CNTNAP2: variants seen among roughly 807,000 people sequenced by gnomAD.
The protein encoded by CNTNAP2 is contactin associated protein 2, also known as contactin-associated protein-like 2.
A neutral mutation model predicts 155.2 loss-of-function variants in CNTNAP2; 98 were observed. The ratio of observed to expected loss-of-function variants is 0.63; its 90% confidence interval spans 0.54 to 0.75. The LOEUF (loss-of-function observed/expected upper bound fraction) is 0.75, where lower values mean the gene tolerates loss of function less well. Ranked by LOEUF, CNTNAP2 falls within the 30% of genes least tolerant of loss-of-function variation. The probability of loss-of-function intolerance (pLI) is 0.00; values close to 1 mark genes in which losing one functional copy is unlikely to be tolerated. For missense variants in CNTNAP2, 1,727 were observed against 1,688.1 expected (o/e 1.02, Z -0.40); for synonymous variants, 651 against 631.2 (o/e 1.03, Z -0.47).
In CNTNAP2 at chr7:148,391,681, CTG is replaced by C. The variant is rs576786139; in HGVS notation, c.3715+7795_3715+7796del. On this transcript the variant is annotated intron_variant, in intron 22 of 23. Transcript: ENST00000361727. The stretch of plus-strand genomic sequence containing the variant: ...GATTTACCTCTCAGAATTATGGACT[CTG>C]TTGTGTTTCTTCCTTTTTGTCTAAT... 2.8e-3 allele frequency among the ~76,000 whole-genome samples: 423 copies of C among 152,350 alleles called. 1 individual carries two copies. Among genetic ancestry groups the C allele is most frequent in the Middle Eastern group, 6.8e-3 (2 of 294 alleles).
At chr7:146,303,540 C>G (rs1258498396) in intron 1 of CNTNAP2, among the ~76,000 whole-genome samples, 1 of 152,080 alleles carries the variant, frequency 6.6e-6, no homozygotes, top group African/African-American at 2.4e-5. Flanking sequence ...GAACTTTATA[C>G]TGGAGCAGGT....
At chr7:147,868,823 G>A (rs1328241542) in intron 13 of CNTNAP2, among the ~76,000 whole-genome samples, 2 of 152,234 alleles carry the variant, frequency 1.3e-5, no homozygotes, top group African/African-American at 4.8e-5. Context: ...CTAAGACCTT[G>A]GGAAAAGTGC....
chr7:147,907,965 A>C (rs1233853316), intron 14 of CNTNAP2, among the ~76,000 whole-genome samples: 3 of 150,462 alleles, frequency 2.0e-5, no homozygotes, highest in African/African-American at 7.3e-5. Context: ...TTTAGTAGAG[A>C]TGGGGTTTCA....
chr7:147,449,785 G>C (rs1797800136), intron 10 of CNTNAP2, among the ~76,000 whole-genome samples: 2 of 152,156 alleles, frequency 1.3e-5, no homozygotes, highest in African/African-American at 4.8e-5. Flanking sequence ...CATGTTTCTT[G>C]TTTTTGATTC....
chr7:148,024,476 A>AC (rs1458431215), intron 15 of CNTNAP2, among the ~76,000 whole-genome samples: 2 of 152,168 alleles, frequency 1.3e-5, no homozygotes, highest in Non-Finnish European at 2.9e-5. Context: ...CCTCATTATT[A>AC]CTATCTGAAT....
intron 1 of CNTNAP2, among the ~76,000 whole-genome samples, chr7:146,419,084 AT>A (rs941344877): frequency 6.6e-6 from 1 of 152,070 alleles, no homozygotes; most frequent in African/African-American, 2.4e-5. Context: ...AAAGAAAATG[AT>A]TTTTTTATAA....
At chr7:147,609,562 TG>T (rs1801142410) in intron 12 of CNTNAP2, among the ~76,000 whole-genome samples, 1 of 151,696 alleles carries the variant, frequency 6.6e-6, no homozygotes, top group Non-Finnish European at 1.5e-5. Context: ...ATTAAGGTTG[TG>T]GGGGAGACAG....
chr7:147,438,979 C>A (rs140524398), intron 10 of CNTNAP2, among the ~76,000 whole-genome samples: 1 of 151,958 alleles, frequency 6.6e-6, no homozygotes, highest in African/African-American at 2.4e-5. Flanking sequence ...CATCTTCTCT[C>A]TTTTTCTGTA....
intron 1 of CNTNAP2, among the ~76,000 whole-genome samples, chr7:146,269,815 C>G (rs1800051371): frequency 6.6e-6 from 1 of 152,148 alleles, no homozygotes; most frequent in Admixed American, 6.5e-5. Flanking sequence ...GTGGCATGGC[C>G]AATTGGCTTC....
chr7:146,472,332 T>C (rs1302213950), intron 1 of CNTNAP2, among the ~76,000 whole-genome samples: 1 of 152,218 alleles, frequency 6.6e-6, no homozygotes, highest in Admixed American at 6.5e-5. Context: ...TTGCACTTAT[T>C]ATGTTCCATA....
chr7:147,479,146 T>C (rs1018996), intron 10 of CNTNAP2, among the ~76,000 whole-genome samples: 117,447 of 152,170 alleles, frequency 0.77, 45,610 homozygotes, highest in African/African-American at 0.85. Flanking sequence ...CAGGCCCTTG[T>C]CTTCCCTCCA....
chr7:148,353,389 C>T (rs1368237600), intron 21 of CNTNAP2, among the ~76,000 whole-genome samples: 5 of 152,174 alleles, frequency 3.3e-5, no homozygotes, highest in Non-Finnish European at 7.3e-5. Flanking sequence ...ACCTGGAACT[C>T]GAGGGCAGCA....
At position 147,290,342 on chromosome 7, in the gene CNTNAP2, G is replaced by C. The variant is rs556282560; in HGVS notation, c.1349-9799G>C. On this transcript the variant is annotated intron_variant, in intron 8 of 23. Transcript: ENST00000361727. ...AAAGAGCACTTCAGTACTATGTCAGGGGACCGCTTTTAACAGCAAAGTCAA... is the reference window on the plus strand; with the variant it reads ...AAAGAGCACTTCAGTACTATGTCAGCGGACCGCTTTTAACAGCAAAGTCAA... Among the ~76,000 whole-genome samples, 13 of 152,112 alleles carry C rather than the reference G, an allele frequency of 8.5e-5. No homozygotes were observed. The South Asian group carries it at 2.3e-3, about 27-fold the overall frequency.
At chr7:146,914,992 G>A (rs768411837) in intron 3 of CNTNAP2, among the ~76,000 whole-genome samples, 15 of 152,158 alleles carry the variant, frequency 9.9e-5, no homozygotes, top group Non-Finnish European at 1.9e-4. Flanking sequence ...GTTAATTTTT[G>A]TATAAGGTGA....
chr7:147,176,030 C>T (rs550315939), intron 8 of CNTNAP2, among the ~76,000 whole-genome samples: 2 of 152,130 alleles, frequency 1.3e-5, no homozygotes, highest in Non-Finnish European at 2.9e-5. Flanking sequence ...CTACTTTAAA[C>T]GAGATCCTTA....
intron 21 of CNTNAP2, among the ~76,000 whole-genome samples, chr7:148,356,165 C>A (rs1798509329): frequency 7.3e-6 from 1 of 136,698 alleles, no homozygotes; most frequent in Non-Finnish European, 1.6e-5. Context: ...AAAAAGAAAT[C>A]ATCACATAGT....
At chr7:146,739,163 T>A (rs772840870) in intron 1 of CNTNAP2, among the ~76,000 whole-genome samples, 1 of 152,016 alleles carries the variant, frequency 6.6e-6, no homozygotes, top group Non-Finnish European at 1.5e-5. Context: ...ATTATTTTCA[T>A]CTTTCTACTA....
At chr7:146,980,003 A>C (rs1797983325) in intron 3 of CNTNAP2, among the ~76,000 whole-genome samples, 1 of 152,186 alleles carries the variant, frequency 6.6e-6, no homozygotes, top group Non-Finnish European at 1.5e-5. Context: ...CAACCTGATA[A>C]ATGTAACCTT....
chr7:147,739,461 C>T (rs968242925), intron 13 of CNTNAP2, among the ~76,000 whole-genome samples: 2 of 151,994 alleles, frequency 1.3e-5, no homozygotes, highest in African/African-American at 2.4e-5. Flanking sequence ...TGAATAAAAA[C>T]AGTGAGTTTC....
Sources: gnomAD v4.1 joint callset for allele counts (sites outside exome capture counted in the v4.1 genomes callset) on GRCh38, gnomAD v4.1.1 for gene constraint, MANE v1.5 for transcripts, NCBI Gene and HGNC (gene_info 2026-07-23, HGNC 2026-07-21) for gene names.